NRXN2: variants seen among roughly 807,000 people sequenced by gnomAD.
The protein encoded by NRXN2 is neurexin-2-beta.
In NRXN2, 29 loss-of-function variants were observed where a neutral mutation model predicts 128.8. The observed-to-expected ratio is 0.23, with a 90% CI of 0.17 to 0.31. NRXN2 has a LOEUF of 0.31. Among genes scored for constraint, NRXN2 ranks in the 10% least tolerant of loss-of-function variants. NRXN2 has a pLI of 1.00. For synonymous variants in NRXN2, 1,098 were observed against 1,075.2 expected (o/e 1.02, Z -0.41); for missense variants, 1,881 against 2,452.6 (o/e 0.77, Z 4.92).
intron 15 of NRXN2, among the ~76,000 whole-genome samples, chr11:64,649,327 C>G (rs2047146257): frequency 6.6e-6 from 1 of 152,174 alleles, no homozygotes. Flanking sequence ...CTCTTGGGCT[C>G]TCTCCTAGGG....
chr11:64,662,874 G>C (rs1591922753), intron 9 of NRXN2, among the ~76,000 whole-genome samples: 2 of 151,508 alleles, frequency 1.3e-5, no homozygotes. Context: ...AGACATCCTA[G>C]TTAGAAAAAA....
intron 1 of NRXN2, among the ~76,000 whole-genome samples, chr11:64,716,553 A>C (rs2057309821): frequency 6.6e-6 from 1 of 151,280 alleles, no homozygotes; most frequent in South Asian, 2.1e-4. Flanking sequence ...GTGGAGGGAG[A>C]GTGGGAGGGG....
At chr11:64,712,569 T>G (rs2057033366) in intron 2 of NRXN2, 1 of 351,348 alleles carries the variant, frequency 2.8e-6, no homozygotes, top group Non-Finnish European at 6.0e-6. Flanking sequence ...GGCCCCATGG[T>G]CCCCGCCCAC....
At chr11:64,704,583 T>C (rs2055951034) in intron 2 of NRXN2, among the ~76,000 whole-genome samples, 1 of 146,052 alleles carries the variant, frequency 6.8e-6, no homozygotes, top group African/African-American at 2.5e-5. Flanking sequence ...AACTTAGGAA[T>C]GCTGATTTCC....
At position 64,713,675 on chromosome 11, in the gene NRXN2, G is replaced by A. The variant is rs1468924026; in HGVS notation, c.25C>T (p.Pro9Ser). The A allele has an allele frequency of 8.7e-7, 1 of 1,154,502 alleles. No individual in the cohort carries two copies. The highest frequency in any genetic ancestry group is 3.9e-5 in the South Asian group (1 of 25,622). 71.5% of individuals were successfully genotyped at this position (1,154,502 alleles called of 1,614,324 possible). Residue 9 changes from proline to serine, a missense_variant, in exon 2 of 23, where the codon CCG becomes TCG. Pro to Ser is a moderately conservative substitution (Grantham distance 74). This residue lies in a region of NRXN2 where 997 missense variants were observed against 1,240.8 expected (regional missense o/e 0.80). Transcript: ENST00000265459. MASGSRWR[P>S]TPPPLLLLLL... ...AGCAACAGCAGCGGCGGCGGTGTCGGCCGCCACCGGCTCCCGGACGCCATG... is the reference window on the plus strand; with the variant it reads ...AGCAACAGCAGCGGCGGCGGTGTCGACCGCCACCGGCTCCCGGACGCCATG...
At chr11:64,643,618 G>C (rs2046152588) in intron 17 of NRXN2, 1 of 146,680 alleles carries the variant, frequency 6.8e-6, no homozygotes, top group Non-Finnish European at 1.5e-5. Flanking sequence ...GCGGAGAGGG[G>C]AGGGGAAGCG....
chr11:64,676,791 G>A lies in NRXN2; in HGVS notation c.1197+202C>T, dbSNP rs931027282. The A allele has an allele frequency of 4.2e-5, 26 of 618,246 alleles. 1 individual carries two copies. The highest frequency in any genetic ancestry group is 3.3e-4 in the Middle Eastern group (1 of 3,020). The allele number at this position is 618,246 out of a possible 1,614,324, so 38.3% of individuals were successfully genotyped here. ...ATTTCCATTTGTCTTTTGTATTTCA[G>A]TTTGGACCAAAAAAGAAAGAAAAGG... On this transcript the variant is annotated intron_variant, in intron 7 of 22. Coordinates refer to ENST00000265459, the MANE Select transcript of NRXN2 (RefSeq NM_015080.4).
intron 2 of NRXN2, among the ~76,000 whole-genome samples, chr11:64,698,430 A>G (rs1270018443): frequency 6.6e-6 from 1 of 152,212 alleles, no homozygotes; most frequent in Non-Finnish European, 1.5e-5. Context: ...GCCACACAGC[A>G]CTGTGTGACT....
intron 7 of NRXN2, chr11:64,676,723 T>A: frequency 5.5e-6 from 3 of 548,152 alleles, no homozygotes; most frequent in South Asian, 4.5e-5. Flanking sequence ...GGAATCTGAA[T>A]TCAGGAGTTA....
At chr11:64,640,432 T>C (rs773346880) in intron 17 of NRXN2, among the ~76,000 whole-genome samples, 1 of 152,288 alleles carries the variant, frequency 6.6e-6, no homozygotes, top group South Asian at 2.1e-4. Flanking sequence ...GACTCCTTCA[T>C]GCTTTGCCTC....
At chr11:64,615,829 CGTGT>C (rs34781745) in intron 22 of NRXN2, among the ~76,000 whole-genome samples, 2,266 of 138,638 alleles carry the variant, frequency 0.016, 20 homozygotes, top group Middle Eastern at 0.029. Context: ...TAGGCCCAAG[CGTGT>C]GTGTGTGTGT....
At chr11:64,652,244 A>G in intron 12 of NRXN2, 90 bp from the exon 13 acceptor site, 1 of 1,483,400 alleles carries the variant, frequency 6.7e-7, no homozygotes, top group South Asian at 1.2e-5. Context: ...CAGCCTCCCC[A>G]TCCCCGCACA....
rs767558549 is a variant in NRXN2, at chr11:64,685,772, C to T, written c.1026G>A (p.Lys342=). 25 of 1,614,238 alleles carry T rather than the reference C, an allele frequency of 1.5e-5. 1 individual carries two copies. The highest frequency in any genetic ancestry group is 2.1e-5 in the Non-Finnish European group (25 of 1,180,038). ...KSADYVNLSL[K]SGAVWLVINL... Reference sequence around the variant, plus strand: ...TGATGACCAGCCAGACAGCCCCAGACTTGAGGGACAGGTTGACGTAGTCGG... The same window carrying T: ...TGATGACCAGCCAGACAGCCCCAGATTTGAGGGACAGGTTGACGTAGTCGG... Residue 342 remains lysine (K), a synonymous_variant, in exon 6 of 23, where the codon AAG becomes AAA. Transcript: ENST00000265459.
chr11:64,680,948 T>C (rs976089198), intron 6 of NRXN2, among the ~76,000 whole-genome samples: 2 of 151,656 alleles, frequency 1.3e-5, no homozygotes, highest in Non-Finnish European at 2.9e-5. Context: ...AATACAAAAA[T>C]TAGCCGGGCA....
intron 9 of NRXN2, among the ~76,000 whole-genome samples, chr11:64,666,204 ATTTTTT>A (rs35403625): frequency 7.3e-6 from 1 of 137,196 alleles, no homozygotes; most frequent in African/African-American, 2.7e-5. Context: ...GAGTGAGTTA[ATTTTTT>A]TTTTTTTTTT....
rs1344255535 is a variant in NRXN2, at chr11:64,712,954, G to C, written c.730+16C>G. 1 of 1,500,614 alleles carries C rather than the reference G, an allele frequency of 6.7e-7. No individual in the cohort carries two copies. Among genetic ancestry groups the C allele is most frequent in the African/African-American group, 1.4e-5 (1 of 69,192 alleles). 93.0% of individuals were successfully genotyped at this position (1,500,614 alleles called of 1,614,324 possible). On this transcript the variant is annotated intron_variant, in intron 2 of 22. Coordinates refer to ENST00000265459, the MANE Select transcript of NRXN2 (RefSeq NM_015080.4). ...CCCCGCGCCCAGGCACCGGGCGGCC[G>C]CTCCCCGGGGCTCACCTTCGCTGCA... is the stretch of plus-strand genomic sequence containing the variant.
chr11:64,630,769 T>G lies in NRXN2; in HGVS notation c.3586-196A>C, dbSNP rs752087252. On this transcript the variant is annotated intron_variant, in intron 18 of 22. Transcript: ENST00000265459. This position sits in a 1 kb window ranked among gnomAD's most constrained non-coding sequence, Gnocchi z 4.6. ...GGAGTAACTTGAGGCCGGAGGTGCG[T>G]GCAGAGCCTGGGCCCAGAGCGCCTT... Among the ~76,000 whole-genome samples the G allele has an allele frequency of 3.0e-4, 46 of 152,300 alleles. No individual in the cohort carries two copies. Among genetic ancestry groups the G allele is most frequent in the South Asian group, 6.2e-4 (3 of 4,824 alleles).
intron 12 of NRXN2, among the ~76,000 whole-genome samples, chr11:64,653,279 T>C (rs2047741399): frequency 6.6e-6 from 1 of 152,090 alleles, no homozygotes; most frequent in South Asian, 2.1e-4. Flanking sequence ...TTCCCCCTTG[T>C]GGCCAATTCT....
At position 64,677,364 on chromosome 11, in the gene NRXN2, G is replaced by A. The variant is rs563923644; in HGVS notation, c.1153-327C>T. On this transcript the variant is annotated intron_variant, in intron 6 of 22. Transcript: ENST00000265459. ...TCCTCTTCCCCACCATCCCCTCCCC[G>A]AAGAAGAGCCGTCTGCAGAGAAGGG... 6.7e-5 allele frequency among the ~76,000 whole-genome samples: 8 copies of A among 119,668 alleles called. 1 individual carries two copies. The South Asian group carries it at 2.0e-3, about 31-fold the overall frequency. The allele number at this position is 119,668 out of a possible 152,430, so 78.5% of individuals were successfully genotyped here.
Sources: gnomAD v4.1 joint callset for allele counts (sites outside exome capture counted in the v4.1 genomes callset) on GRCh38, gnomAD v4.1.1 for gene constraint, gnomAD v4.1.1 regional missense constraint, Gnocchi (gnomAD v3.1) non-coding constraint, MANE v1.5 for transcripts, NCBI Gene and HGNC (gene_info 2026-07-23, HGNC 2026-07-21) for gene names.